HBG2: variants seen among roughly 807,000 people sequenced by gnomAD.
HBG2 encodes the protein hemoglobin subunit gamma 2, also known as hemoglobin subunit gamma-2.
For missense variants in HBG2, 59 were observed against 155.7 expected, an observed-to-expected ratio of 0.38 and a Z score of 3.31; for synonymous variants, 25 against 63.2, an observed-to-expected ratio of 0.40 and a Z score of 2.87.
At chr11:5,254,241 AAGTTGCCTCG>A (rs1158337216) in intron 2 of HBG2, 41 bp downstream of exon 2, 1 of 1,612,124 alleles carries the variant, frequency 6.2e-7, no homozygotes. Context: ...TCAGTTGTCT[AAGTTGCCTCG>A]AGACTAAAGG....
In HBG2 at chr11:5,253,307, C is replaced by T. The variant is rs1690973559; in HGVS notation, c.414G>A (p.Val138=). Residue 138 remains valine (V), a synonymous_variant, in exon 3 of 3, where the codon GTG becomes GTA. Transcript: ENST00000336906. ...GGTATCTGGAGGACAGGGCACTGGC[C>T]ACTCCAGTCACCATCTTCTGCCAGG... ...QASWQKMVTG[V]ASALSSRYH is the part of the protein sequence containing the mutation. The T allele has an allele frequency of 6.2e-7, 1 of 1,613,952 alleles. No individual in the cohort carries two copies. The highest frequency in any genetic ancestry group is 1.3e-5 in the African/African-American group (1 of 74,904).
At chr11:5,253,987 C>T (rs188173178) in intron 2 of HBG2, among the ~76,000 whole-genome samples, 4 of 151,840 alleles carry the variant, frequency 2.6e-5, no homozygotes, top group Non-Finnish European at 4.4e-5. Flanking sequence ...TGTTTTAAAA[C>T]GAATAACAAA....
intron 2 of HBG2, 69 bp from the exon 3 acceptor site, chr11:5,253,474 A>G: frequency 7.7e-7 from 1 of 1,299,766 alleles, no homozygotes. Context: ...TGGCCTCCAG[A>G]TAACTACACA....
At position 5,253,694 on chromosome 11, in the gene HBG2, G is replaced by A. The variant is rs199960984; in HGVS notation, c.316-289C>T. 1.3e-4 allele frequency among the ~76,000 whole-genome samples: 5 copies of A among 39,556 alleles called. No homozygotes were observed. In the South Asian group the frequency reaches 3.9e-3, roughly 31 times the overall value. 26.0% of individuals were successfully genotyped at this position (39,556 alleles called of 152,430 possible). Reference sequence around the variant, plus strand: ...CGCTCTCACACACACACAAACACACGCGCGCACACACACACACACACACAC... The same window carrying A: ...CGCTCTCACACACACACAAACACACACGCGCACACACACACACACACACAC... On this transcript the variant is annotated intron_variant, in intron 2 of 2. Coordinates refer to ENST00000336906, the MANE Select transcript of HBG2 (RefSeq NM_000184.3).
intron 2 of HBG2, among the ~76,000 whole-genome samples, chr11:5,253,857 A>T (rs1156242749): frequency 1.3e-5 from 2 of 152,072 alleles, no homozygotes; most frequent in African/African-American, 2.4e-5. Flanking sequence ...TGTCCAGCTG[A>T]TATAGGAATA....
chr11:5,253,566 GTTC>G (rs1174038507), intron 2 of HBG2, among the ~76,000 whole-genome samples, 161 bp from the exon 3 acceptor site: 3 of 152,078 alleles, frequency 2.0e-5, no homozygotes, highest in Admixed American at 6.6e-5. Flanking sequence ...GCAGGTAGTT[GTTC>G]TTCTTGCAGC....
chr11:5,253,287 C>A lies in HBG2; in HGVS notation c.434G>T (p.Arg145Ile), dbSNP rs1418533123. Residue 145 changes from arginine to isoleucine, a missense_variant, in exon 3 of 3, where the codon AGA (arginine) becomes ATA (isoleucine). By Grantham distance (97) the Arg-to-Ile change is moderately conservative (BLOSUM62 -3). Transcript: ENST00000336906. ...TCATGGGCAGTGAGCTCAGTGGTATCTGGAGGACAGGGCACTGGCCACTCC... is the reference window on the plus strand; with the variant it reads ...TCATGGGCAGTGAGCTCAGTGGTATATGGAGGACAGGGCACTGGCCACTCC... ...VTGVASALSS[R>I]YH The A allele has an allele frequency of 6.2e-7, 1 of 1,614,088 alleles. No individual in the cohort carries two copies. The highest frequency in any genetic ancestry group is 1.1e-5 in the South Asian group (1 of 91,066).
rs527306894 is a variant in HBG2 at position 5,254,184 on chromosome 11, C to A, written c.315+108G>T. 1.2e-5 allele frequency: 16 copies of A among 1,333,968 alleles called. No individual in the cohort carries two copies. In the East Asian group the frequency reaches 3.1e-4, roughly 26 times the overall value. The allele number at this position is 1,333,968 out of a possible 1,614,324, so 82.6% of individuals were successfully genotyped here. ...CCTCTGCAGTTTCTTCACTCCCAAC[C>A]CCAGTATCTTCAAACAGCTCACACC... On this transcript the variant is annotated intron_variant, in intron 2 of 2. Transcript: ENST00000336906.
intron 2 of HBG2, among the ~76,000 whole-genome samples, chr11:5,253,700 A>G (rs3993801): frequency 0.016 from 1,693 of 107,726 alleles, 37 homozygotes; most frequent in African/African-American, 0.042. Flanking sequence ...ACACGCGCGC[A>G]CACACACACA....
intron 2 of HBG2, among the ~76,000 whole-genome samples, chr11:5,253,773 C>T (rs1479362975): frequency 3.3e-5 from 5 of 151,042 alleles, no homozygotes; most frequent in South Asian, 2.1e-4. Context: ...GTTCCTCACC[C>T]CTGGACATAC....
chr11:5,254,264 A>C, intron 2 of HBG2, 28 bp downstream of exon 2: 1 of 1,614,178 alleles, frequency 6.2e-7, no homozygotes, highest in Non-Finnish European at 8.5e-7. Flanking sequence ...ACTAAAGGCA[A>C]CAGTGCTGAA....
Position 5,253,343 on chromosome 11 carries a change from C to T in HBG2, c.378G>A (p.Glu126=), listed in dbSNP as rs761118458. The T allele has an allele frequency of 4.3e-6, 7 of 1,613,990 alleles. No individual in the cohort carries two copies. Among genetic ancestry groups the T allele is most frequent in the Non-Finnish European group, 4.2e-6 (5 of 1,179,944 alleles). ...AIHFGKEFTP[E]VQASWQKMVT... Reference sequence around the variant, plus strand: ...CCATCTTCTGCCAGGAAGCCTGCACCTCAGGGGTGAATTCTTTGCCGAAAT... The same window carrying T: ...CCATCTTCTGCCAGGAAGCCTGCACTTCAGGGGTGAATTCTTTGCCGAAAT... The change falls in exon 3 of 3, where the codon GAG becomes GAA. Residue 126 remains glutamate, a synonymous_variant. Transcript: ENST00000336906.
intron 2 of HBG2, 34 bp downstream of exon 2, chr11:5,254,258 A>T (rs779973459): frequency 3.7e-6 from 6 of 1,613,734 alleles, no homozygotes; most frequent in Non-Finnish European, 5.1e-6. Flanking sequence ...CTCGAGACTA[A>T]AGGCAACAGT....
rs555537492 is a variant in HBG2 at position 5,254,319 on chromosome 11, C to T, written c.288G>A (p.Lys96=). 7 of 1,614,304 alleles carry T rather than the reference C, an allele frequency of 4.3e-6. No homozygotes were observed. The East Asian group carries it at 6.7e-5, about 15-fold the overall frequency. ...TGAAGTTCTCAGGATCCACATGCAG[C>T]TTGTCACAGTGCAGTTCACTCAGCT... The part of the protein sequence containing the change: ...FAQLSELHCD[K]LHVDPENFKL... Residue 96 remains lysine, a synonymous_variant, in exon 2 of 3, where the codon AAG becomes AAA. Transcript: ENST00000336906.
chr11:5,253,988 G>A lies in HBG2; in HGVS notation c.315+304C>T, dbSNP rs547152339. Among the ~76,000 whole-genome samples the A allele has an allele frequency of 2.6e-4, 39 of 150,966 alleles. 1 individual carries two copies. Among genetic ancestry groups the A allele is most frequent in the Middle Eastern group, 3.4e-3 (1 of 294 alleles). On this transcript the variant is annotated intron_variant, in intron 2 of 2. Transcript: ENST00000336906. ...TGCCTCCAGATAGATGTTTTAAAAC[G>A]AATAACAAAAATAGGGGAAAGGTGA...
rs1847973787 is a variant in HBG2, at chr11:5,253,387, C to A, written c.334G>T (p.Val112Leu). The A allele has an allele frequency of 6.2e-7, 1 of 1,612,906 alleles. No homozygotes were observed. The change falls in exon 3 of 3, where the codon GTG (valine) becomes TTG (leucine). Residue 112 changes from valine to leucine, a missense_variant. By Grantham distance (32) the Val-to-Leu change is conservative. Coordinates refer to ENST00000336906, the MANE Select transcript of HBG2 (RefSeq NM_000184.3). ...ENFKLLGNVL[V>L]TVLAIHFGKE... ...CCGAAATGGATTGCCAAAACGGTCA[C>A]CAGCACATTTCCCAGGAGCTGTTGA...
intron 2 of HBG2, among the ~76,000 whole-genome samples, chr11:5,253,720 A>ACACACACACACACACACACACACACG (rs1847982145): frequency 6.7e-6 from 1 of 149,622 alleles, no homozygotes; most frequent in South Asian, 2.1e-4. Context: ...ACACACACAC[A>ACACACACACACACACACACACACACG]GAGCTGACTT....
chr11:5,253,505 A>G (rs1306254790), intron 2 of HBG2, 100 bp from the exon 3 acceptor site: 15 of 1,257,598 alleles, frequency 1.2e-5, no homozygotes, highest in Admixed American at 3.7e-5. Context: ...ACCCAGAATC[A>G]AGCCTATGTT....
At chr11:5,253,760 AT>A (rs1447101267) in intron 2 of HBG2, among the ~76,000 whole-genome samples, 1 of 149,902 alleles carries the variant, frequency 6.7e-6, no homozygotes, top group Non-Finnish European at 1.5e-5. Flanking sequence ...AAATGTTTCA[AT>A]TGTTCCTCAC....
Sources: allele counts gnomAD v4.1 joint callset (sites outside exome capture counted in the v4.1 genomes callset), GRCh38; gene constraint gnomAD v4.1.1; transcripts MANE v1.5; gene names NCBI Gene and HGNC (gene_info 2026-07-23, HGNC 2026-07-21).